The following TNKS variants were observed in gnomAD, a reference collection of about 807,000 sequenced individuals.
The protein encoded by TNKS is tankyrase, also known as poly [ADP-ribose] polymerase tankyrase-1.
TNKS carries 72 observed loss-of-function variants against 135.8 expected under a neutral mutation model. That is an observed-to-expected ratio of 0.53 (90% CI 0.44 to 0.64). The LOEUF is 0.64. Among genes scored for constraint, TNKS ranks in the 30% least tolerant of loss-of-function variants. TNKS has a pLI of 0.00. For synonymous variants in TNKS, 849 were observed against 649.3 expected (o/e 1.31, Z -4.68); for missense variants, 1,769 against 1,674.0 (o/e 1.06, Z -0.99).
chr8:9,579,657 C>G (rs925922870), intron 1 of TNKS, among the ~76,000 whole-genome samples: 2 of 152,004 alleles, frequency 1.3e-5, no homozygotes, highest in African/African-American at 2.4e-5. Flanking sequence ...TTATTAGAGA[C>G]GGGGTATCAC....
At chr8:9,593,396 G>A (rs76787882) in intron 2 of TNKS, among the ~76,000 whole-genome samples, 1 of 152,142 alleles carries the variant, frequency 6.6e-6, no homozygotes, top group Non-Finnish European at 1.5e-5. Flanking sequence ...TGAAGGTTCT[G>A]TTCACACAGT....
intron 3 of TNKS, among the ~76,000 whole-genome samples, chr8:9,676,271 C>T (rs185418669): frequency 1.1e-4 from 16 of 152,216 alleles, no homozygotes; most frequent in Non-Finnish European, 1.8e-4. Context: ...CTTTGGCCTC[C>T]CAGTGTGTTG....
intron 2 of TNKS, among the ~76,000 whole-genome samples, chr8:9,590,357 G>T (rs760169906): frequency 6.6e-6 from 1 of 152,150 alleles, no homozygotes; most frequent in Non-Finnish European, 1.5e-5. Flanking sequence ...ATTCATCTGA[G>T]TTGTGCCCTG....
intron 3 of TNKS, among the ~76,000 whole-genome samples, chr8:9,656,125 C>T (rs1176705774): frequency 1.3e-5 from 2 of 152,080 alleles, no homozygotes; most frequent in East Asian, 3.8e-4. Flanking sequence ...ATGCGATCAA[C>T]TGGAAGAAAG....
intron 12 of TNKS, 121 bp downstream of exon 12, chr8:9,720,666 T>G: frequency 8.4e-7 from 1 of 1,195,188 alleles, no homozygotes; most frequent in East Asian, 2.8e-5. Context: ...TTCTTGCAAT[T>G]TAGCCTGTGG....
Position 9,770,240 on chromosome 8 carries a change from A to G in TNKS, c.3875A>G (p.Tyr1292Cys). 1.2e-6 allele frequency: 2 copies of G among 1,613,320 alleles called. No homozygotes were observed. Among genetic ancestry groups the G allele is most frequent in the Non-Finnish European group, 1.7e-6 (2 of 1,179,870 alleles). Residue 1292 changes from tyrosine to cysteine, a missense_variant, in exon 26 of 27, where the codon TAT becomes TGT. Transcript: ENST00000310430. ...PSVNGLAYAE[Y>C]VIYRGEQAYP... ...GTCAATGGGCTGGCATATGCTGAATATGTCATCTACAGAGGAGAACAGGTA... is the reference window on the plus strand; with the variant it reads ...GTCAATGGGCTGGCATATGCTGAATGTGTCATCTACAGAGGAGAACAGGTA...
chr8:9,624,597 G>A (rs1799986953), intron 3 of TNKS, among the ~76,000 whole-genome samples: 1 of 152,184 alleles, frequency 6.6e-6, no homozygotes, highest in Non-Finnish European at 1.5e-5. Flanking sequence ...TTCTGTCATA[G>A]AAATACATAC....
At chr8:9,620,106 C>T (rs1256980487) in intron 3 of TNKS, among the ~76,000 whole-genome samples, 4 of 152,154 alleles carry the variant, frequency 2.6e-5, no homozygotes, top group South Asian at 2.1e-4. Flanking sequence ...GGCGCCACCA[C>T]GCCCAGCTAA....
intron 3 of TNKS, among the ~76,000 whole-genome samples, chr8:9,677,177 A>C (rs1299344805): frequency 2.6e-5 from 4 of 152,208 alleles, no homozygotes; most frequent in African/African-American, 9.6e-5. Flanking sequence ...CAGATAGTGG[A>C]TGCTAGAATG....
intron 3 of TNKS, among the ~76,000 whole-genome samples, chr8:9,672,697 C>A (rs1802343536): frequency 8.5e-6 from 1 of 117,000 alleles, no homozygotes; most frequent in African/African-American, 3.1e-5. Context: ...CACACACACA[C>A]ACACACACAC....
chr8:9,622,974 C>T (rs966032928), intron 3 of TNKS, among the ~76,000 whole-genome samples: 4 of 152,100 alleles, frequency 2.6e-5, no homozygotes, highest in South Asian at 2.1e-4. Flanking sequence ...AAATTAGGCA[C>T]AGTAAGAGAT....
chr8:9,682,572 A>G (rs1250919494), intron 5 of TNKS, among the ~76,000 whole-genome samples: 1 of 152,058 alleles, frequency 6.6e-6, no homozygotes, highest in African/African-American at 2.4e-5. Flanking sequence ...TGGCACTTAG[A>G]GTTCCTTAAA....
At chr8:9,713,832 G>GT (rs1804451948) in intron 11 of TNKS, among the ~76,000 whole-genome samples, 2 of 152,248 alleles carry the variant, frequency 1.3e-5, no homozygotes, top group African/African-American at 4.8e-5. Context: ...CTTAGCTATT[G>GT]TTGGGCTCCC....
Position 9,556,101 on chromosome 8 carries a change from C to T in TNKS, c.162C>T (p.Ala54=). The part of the protein sequence containing the change: ...TPASPTASGL[A]PFASPRHGLA... ...CCTCTCCCACGGCCAGCGGCCTGGC[C>T]CCCTTCGCCTCCCCGCGGCACGGCC... Residue 54 remains alanine (A), a synonymous_variant, in exon 1 of 27, where the codon GCC becomes GCT. Coordinates refer to ENST00000310430, the MANE Select transcript of TNKS (RefSeq NM_003747.3). 3.7e-6 allele frequency: 6 copies of T among 1,601,264 alleles called. No individual in the cohort carries two copies. Among genetic ancestry groups the T allele is most frequent in the Non-Finnish European group, 5.1e-6 (6 of 1,174,552 alleles).
chr8:9,711,890 A>G lies in TNKS; in HGVS notation c.1749+1670A>G, dbSNP rs192852764. On this transcript the variant is annotated intron_variant, in intron 11 of 26. Transcript: ENST00000310430. ...TATCTACATAATTTAAACACATAAA[A>G]ACAGAATTTTCTCACCTGTTCAAAA... Among the ~76,000 whole-genome samples, 407 of 152,314 alleles carry G rather than the reference A, an allele frequency of 2.7e-3. 2 individuals are homozygous for G. Among genetic ancestry groups the G allele is most frequent in the African/African-American group, 9.3e-3 (387 of 41,560 alleles).
intron 3 of TNKS, among the ~76,000 whole-genome samples, chr8:9,650,438 G>C (rs1167520548): frequency 1.3e-5 from 2 of 152,114 alleles, no homozygotes; most frequent in African/African-American, 4.8e-5. Context: ...CCCACCAGTA[G>C]TGTAAAATTG....
intron 3 of TNKS, among the ~76,000 whole-genome samples, chr8:9,673,777 G>A (rs1033637041): frequency 6.6e-6 from 1 of 151,950 alleles, no homozygotes; most frequent in Non-Finnish European, 1.5e-5. Flanking sequence ...TGCAGGGGTC[G>A]GGGGGTTCAT....
intron 2 of TNKS, among the ~76,000 whole-genome samples, chr8:9,595,457 A>C (rs188823495): frequency 2.6e-4 from 40 of 152,154 alleles, no homozygotes; most frequent in African/African-American, 9.4e-4. Context: ...TTGTGTTCCA[A>C]CTGCTTTCAG....
intron 3 of TNKS, among the ~76,000 whole-genome samples, chr8:9,638,878 A>G (rs182889070): frequency 1.3e-5 from 2 of 152,292 alleles, no homozygotes; most frequent in Non-Finnish European, 2.9e-5. Flanking sequence ...CTATTTTTCA[A>G]ATTGGTGCCC....
Sources: allele counts gnomAD v4.1 joint callset (sites outside exome capture counted in the v4.1 genomes callset), GRCh38; gene constraint gnomAD v4.1.1; transcripts MANE v1.5; gene names NCBI Gene and HGNC (gene_info 2026-07-23, HGNC 2026-07-21).